FHIT: variants seen among roughly 807,000 people sequenced by gnomAD.
The protein encoded by FHIT is bis(5'-adenosyl)-triphosphatase.
FHIT carries 19 observed loss-of-function variants against 17.9 expected under a neutral mutation model. The observed-to-expected ratio is 1.06, with a 90% CI of 0.74 to 1.56. The LOEUF (loss-of-function observed/expected upper bound fraction) is 1.56, where lower values mean the gene tolerates loss of function less well. Ranked by LOEUF, FHIT falls within the 40% of genes most tolerant of loss-of-function variation. FHIT has a pLI of 0.00. For missense variants in FHIT, 248 were observed against 189.2 expected, an observed-to-expected ratio of 1.31 and a Z score of -1.82; for synonymous variants, 81 against 69.7, an observed-to-expected ratio of 1.16 and a Z score of -0.81.
chr3:60,746,497 G>C (rs972657918), intron 4 of FHIT, among the ~76,000 whole-genome samples: 1 of 152,168 alleles, frequency 6.6e-6, no homozygotes. Context: ...CCTTACATGG[G>C]TTCGGACGAT....
chr3:60,113,241 C>T (rs760316), intron 5 of FHIT, among the ~76,000 whole-genome samples: 109,523 of 152,084 alleles, frequency 0.72, 39,709 homozygotes, highest in South Asian at 0.81. Context: ...GTCTTTTTCA[C>T]GTCTGTATCC....
chr3:59,909,365 T>C (rs755955083), intron 8 of FHIT, among the ~76,000 whole-genome samples: 4 of 152,050 alleles, frequency 2.6e-5, no homozygotes, highest in Non-Finnish European at 5.9e-5. Flanking sequence ...AGTCTGGCTC[T>C]GTCACCCAGG....
intron 5 of FHIT, among the ~76,000 whole-genome samples, chr3:60,369,015 C>G (rs74762585): frequency 0.016 from 2,500 of 152,178 alleles, 146 homozygotes; most frequent in Admixed American, 0.12. Flanking sequence ...CTCTGTCACC[C>G]AGGCTGGAGG....
At chr3:60,224,766 C>T (rs1704118078) in intron 5 of FHIT, among the ~76,000 whole-genome samples, 1 of 150,556 alleles carries the variant, frequency 6.6e-6, no homozygotes, top group South Asian at 2.1e-4. Flanking sequence ...TGCTCTGTCA[C>T]CCAAGCTGGA....
rs776396336 is a variant in FHIT at position 60,195,534 on chromosome 3, T to G, written c.104-181382A>C. 2.8e-3 allele frequency among the ~76,000 whole-genome samples: 391 copies of G among 141,946 alleles called. 2 individuals are homozygous for G. Among genetic ancestry groups the G allele is most frequent in the Non-Finnish European group, 5.0e-3 (324 of 65,172 alleles). 93.1% of individuals were successfully genotyped at this position (141,946 alleles called of 152,430 possible). On this transcript the variant is annotated intron_variant, in intron 5 of 9. Transcript: ENST00000492590. Reference sequence around the variant, plus strand: ...AAGTGACCATAAACCAATAAGCGGATAAGGAAAATGTGATATATATATATA... The same window carrying G: ...AAGTGACCATAAACCAATAAGCGGAGAAGGAAAATGTGATATATATATATA...
At chr3:60,645,877 AC>A (rs549483852) in intron 4 of FHIT, among the ~76,000 whole-genome samples, 119 of 152,308 alleles carry the variant, frequency 7.8e-4, no homozygotes, top group African/African-American at 2.8e-3. Flanking sequence ...TGACTTCACA[AC>A]CAAAAGCTTA....
intron 2 of FHIT, among the ~76,000 whole-genome samples, chr3:61,080,434 G>A (rs2035099562): frequency 6.6e-6 from 1 of 151,874 alleles, no homozygotes; most frequent in African/African-American, 2.4e-5. Flanking sequence ...TGGAATGCAT[G>A]AGCCAAAATG....
intron 7 of FHIT, among the ~76,000 whole-genome samples, chr3:59,951,921 C>A (rs1707136338): frequency 6.6e-6 from 1 of 152,154 alleles, no homozygotes; most frequent in Non-Finnish European, 1.5e-5. Context: ...TCAATAGTCT[C>A]CTGCTTCAAC....
chr3:60,155,898 T>C (rs2107346879), intron 5 of FHIT, among the ~76,000 whole-genome samples: 1 of 152,262 alleles, frequency 6.6e-6, no homozygotes, highest in East Asian at 1.9e-4. Context: ...CAGTCCCCAG[T>C]GTTACTTATT....
intron 5 of FHIT, among the ~76,000 whole-genome samples, chr3:60,209,459 C>T (rs1357095325): frequency 1.3e-5 from 2 of 152,132 alleles, no homozygotes; most frequent in Non-Finnish European, 2.9e-5. Context: ...TCAATCTCTT[C>T]CTCTCACCAT....
At chr3:61,223,207 G>A (rs1016452067) in intron 1 of FHIT, among the ~76,000 whole-genome samples, 1 of 152,050 alleles carries the variant, frequency 6.6e-6, no homozygotes, top group Non-Finnish European at 1.5e-5. Context: ...AATTCCATTC[G>A]ACAAATTTTC....
At chr3:60,525,368 C>T (rs917284477) in intron 5 of FHIT, among the ~76,000 whole-genome samples, 4 of 152,190 alleles carry the variant, frequency 2.6e-5, no homozygotes, top group Non-Finnish European at 5.9e-5. Flanking sequence ...TATCAACCAT[C>T]TAATATACAC....
chr3:60,081,597 C>A (rs1014220506), intron 5 of FHIT, among the ~76,000 whole-genome samples: 1 of 152,086 alleles, frequency 6.6e-6, no homozygotes, highest in Non-Finnish European at 1.5e-5. Context: ...TGGATGGACT[C>A]CAACCAGGAA....
At chr3:60,704,767 A>G (rs1301787292) in intron 4 of FHIT, among the ~76,000 whole-genome samples, 1 of 152,194 alleles carries the variant, frequency 6.6e-6, no homozygotes, top group Non-Finnish European at 1.5e-5. Flanking sequence ...CAGTCGTCTG[A>G]TTAATCATTA....
intron 3 of FHIT, among the ~76,000 whole-genome samples, chr3:60,947,994 T>A (rs1708710827): frequency 6.6e-6 from 1 of 152,142 alleles, no homozygotes; most frequent in East Asian, 1.9e-4. Context: ...GAGTTCCTAG[T>A]TTAATAAACC....
intron 5 of FHIT, among the ~76,000 whole-genome samples, chr3:60,268,888 T>C (rs181980243): frequency 5.9e-5 from 9 of 152,224 alleles, no homozygotes; most frequent in Admixed American, 3.3e-4. Context: ...CCTTAAAAGA[T>C]GGAAGAGACA....
At chr3:60,278,672 C>T (rs1231154069) in intron 5 of FHIT, among the ~76,000 whole-genome samples, 1 of 151,574 alleles carries the variant, frequency 6.6e-6, no homozygotes, top group Non-Finnish European at 1.5e-5. Flanking sequence ...CTACAGCAAG[C>T]ATTAAACACA....
intron 3 of FHIT, among the ~76,000 whole-genome samples, chr3:61,016,195 C>T (rs1180548443): frequency 1.3e-5 from 2 of 152,056 alleles, no homozygotes; most frequent in Non-Finnish European, 2.9e-5. Flanking sequence ...CCATATTTTA[C>T]GTAATGAGCA....
At position 60,123,987 on chromosome 3, in the gene FHIT, T is replaced by C. The variant is rs1376146094; in HGVS notation, c.104-109835A>G. Among the ~76,000 whole-genome samples, 20 of 52,240 alleles carry C rather than the reference T, an allele frequency of 3.8e-4. 1 individual carries two copies. The highest frequency in any genetic ancestry group is 1.5e-3 in the African/African-American group (19 of 12,596). The allele number at this position is 52,240 out of a possible 152,430, so 34.3% of individuals were successfully genotyped here. On this transcript the variant is annotated intron_variant, in intron 5 of 9. Coordinates refer to ENST00000492590, the MANE Select transcript of FHIT (RefSeq NM_002012.4). Reference sequence around the variant, plus strand: ...CTAAAAATATATATATATATATATATATATATATATATATATATATATAGA... The same window carrying C: ...CTAAAAATATATATATATATATATACATATATATATATATATATATATAGA...
Sources: allele counts gnomAD v4.1 joint callset (sites outside exome capture counted in the v4.1 genomes callset), GRCh38; gene constraint gnomAD v4.1.1; transcripts MANE v1.5; gene names NCBI Gene and HGNC (gene_info 2026-07-23, HGNC 2026-07-21).